Variants in MCAT observed in about 807,000 individuals in gnomAD.
The protein encoded by MCAT is malonyl-CoA-acyl carrier protein transacylase, mitochondrial.
A neutral mutation model predicts 22.9 loss-of-function variants in MCAT; 22 were observed. The observed-to-expected ratio is 0.96, with a 90% CI of 0.69 to 1.37. MCAT has a LOEUF of 1.37. MCAT is among the 40% of genes most tolerant of loss of function. The pLI is 0.00. For missense variants in MCAT, 534 were observed against 533.6 expected (o/e 1.00, Z -0.01); for synonymous variants, 240 against 233.9 (o/e 1.03, Z -0.24).
intron 3 of MCAT, among the ~76,000 whole-genome samples, chr22:43,135,503 C>CAAAAAAAAAAAA (rs1270132344): frequency 3.0e-5 from 1 of 33,126 alleles, no homozygotes. Context: ...GACATTGTCT[C>CAAAAAAAAAAAA]AAAAAACAAA....
At chr22:43,142,780 A>AAC (rs898918205) in intron 1 of MCAT, 146 bp downstream of exon 1, 77 of 942,226 alleles carry the variant, frequency 8.2e-5, no homozygotes, top group Admixed American at 1.5e-4. Flanking sequence ...GTCTCAAAAA[A>AAC]AAAAACAAAA....
intron 2 of MCAT, 144 bp downstream of exon 2, chr22:43,141,018 C>A: frequency 1.5e-6 from 1 of 662,174 alleles, no homozygotes; most frequent in Non-Finnish European, 2.8e-6. Flanking sequence ...ACAGCAAAGC[C>A]CTGTCCTCAT....
rs1054071542 is a variant in MCAT at position 43,133,013 on chromosome 22, AG to A, written c.*29del. ...CTACAGCCTCTCCTCAGGAGGACAGAGGGGGTCATCGCATTTGAGCCCCCTG... is the reference window on the plus strand; with the variant it reads ...CTACAGCCTCTCCTCAGGAGGACAGAGGGGTCATCGCATTTGAGCCCCCTG... On this transcript the variant is annotated 3_prime_UTR_variant, in exon 4 of 4. Coordinates refer to ENST00000290429, the MANE Select transcript of MCAT (RefSeq NM_173467.5). The A allele has an allele frequency of 2.5e-6, 4 of 1,598,984 alleles. No individual in the cohort carries two copies. The African/African-American group carries it at 5.4e-5, about 21-fold the overall frequency.
chr22:43,143,107 A>G lies in MCAT; in HGVS notation c.242T>C (p.Leu81Pro), dbSNP rs568778084. The G allele has an allele frequency of 1.9e-6, 3 of 1,604,212 alleles. No homozygotes were observed. The highest frequency in any genetic ancestry group is 2.5e-6 in the Non-Finnish European group (3 of 1,178,608). ...GSQVVGMGRG[L>P]LNYPRVRELY... ...TTCGCGGACGCGCGGGTAGTTGAGC[A>G]GACCGCGGCCCATGCCCACCACCTG... Residue 81 changes from leucine to proline, a missense_variant, in exon 1 of 4, where the codon CTG (leucine) becomes CCG (proline). Leu to Pro is a moderately conservative substitution (Grantham distance 98, BLOSUM62 -3). Coordinates refer to ENST00000290429, the MANE Select transcript of MCAT (RefSeq NM_173467.5).
At chr22:43,135,668 C>T (rs903381923) in intron 3 of MCAT, among the ~76,000 whole-genome samples, 1 of 152,098 alleles carries the variant, frequency 6.6e-6, no homozygotes, top group Admixed American at 6.6e-5. Context: ...AAAGGGAACG[C>T]CTAACTAGCT....
Position 43,137,229 on chromosome 22 carries a change from A to G in MCAT, c.581T>C (p.Leu194Pro). 1 of 1,614,230 alleles carries G rather than the reference A, an allele frequency of 6.2e-7. No individual in the cohort carries two copies. Among genetic ancestry groups the G allele is most frequent in the East Asian group, 2.2e-5 (1 of 44,886 alleles). The change falls in exon 3 of 4, where the codon CTG becomes CCG. Residue 194 changes from leucine to proline, a missense_variant. Physicochemically the swap from Leu to Pro is moderately conservative, Grantham distance 98. Transcript: ENST00000290429. ...GGACTGAGGCTGGCCGAGGACAGACAGCATCCCACTGGGGACAGCTTCTGA... is the reference window on the plus strand; with the variant it reads ...GGACTGAGGCTGGCCGAGGACAGACGGCATCCCACTGGGGACAGCTTCTGA... The part of the protein sequence containing the change: ...EASEAVPSGM[L>P]SVLGQPQSKF...
chr22:43,140,197 G>A (rs1482474643), intron 2 of MCAT, among the ~76,000 whole-genome samples: 1 of 151,686 alleles, frequency 6.6e-6, no homozygotes, highest in Non-Finnish European at 1.5e-5. Flanking sequence ...TGTTTGTTTT[G>A]GACAGGGTCT....
Position 43,141,144 on chromosome 22 carries a change from C to T in MCAT, c.511+18G>A, listed in dbSNP as rs768065721. On this transcript the variant is annotated intron_variant, in intron 2 of 3. Transcript: ENST00000290429. The stretch of plus-strand genomic sequence containing the variant: ...CCCAAGACCACAGCCTTGCATAAAA[C>T]CAAACTCCTTCCTGTACCTTCAGCA... 1 of 1,613,092 alleles carries T rather than the reference C, an allele frequency of 6.2e-7. No individual in the cohort carries two copies. Among genetic ancestry groups the T allele is most frequent in the African/African-American group, 1.3e-5 (1 of 74,894 alleles).
chr22:43,141,967 T>C (rs1035075805), intron 1 of MCAT, among the ~76,000 whole-genome samples: 1 of 152,256 alleles, frequency 6.6e-6, no homozygotes, highest in African/African-American at 2.4e-5. Context: ...ATAATGTCTA[T>C]ACAGTGCTTA....
At chr22:43,141,053 T>G in intron 2 of MCAT, 109 bp downstream of exon 2, 1 of 810,224 alleles carries the variant, frequency 1.2e-6, no homozygotes, top group Non-Finnish European at 2.2e-6. Flanking sequence ...CCTGTCCATG[T>G]GCTCCCTTCC....
In MCAT at chr22:43,143,204, C is replaced by A. The variant is rs1253386214; in HGVS notation, c.145G>T (p.Ala49Ser). Residue 49 changes from alanine (A) to serine (S), a missense_variant, in exon 1 of 4, where the codon GCG becomes TCG. Coordinates refer to ENST00000290429, the MANE Select transcript of MCAT (RefSeq NM_173467.5). Reference sequence around the variant, plus strand: ...CGCCGCTCCGTCGCCGCCCAGGGCGCCTCCTCCTCCGCCCCGGTCGCATCT... The same window carrying A: ...CGCCGCTCCGTCGCCGCCCAGGGCGACTCCTCCTCCGCCCCGGTCGCATCT... ...LRDATGAEEE[A>S]PWAATERRMP... The A allele has an allele frequency of 2.0e-6, 3 of 1,534,696 alleles. No individual in the cohort carries two copies. The highest frequency in any genetic ancestry group is 2.6e-6 in the Non-Finnish European group (3 of 1,150,580).
Position 43,132,687 on chromosome 22 carries a change from C to T in MCAT, c.*356G>A. On this transcript the variant is annotated 3_prime_UTR_variant, in exon 4 of 4. Coordinates refer to ENST00000290429, the MANE Select transcript of MCAT (RefSeq NM_173467.5). ...AGGCCACACCAGCATGTTCTCAGCACTCACAGAGCAGGACAGGCTGCAGCA... is the reference window on the plus strand; with the variant it reads ...AGGCCACACCAGCATGTTCTCAGCATTCACAGAGCAGGACAGGCTGCAGCA... 1 of 235,792 alleles carries T rather than the reference C, an allele frequency of 4.2e-6. No individual in the cohort carries two copies. The highest frequency in any genetic ancestry group is 8.4e-6 in the Non-Finnish European group (1 of 118,980). The allele number at this position is 235,792 out of a possible 1,614,324, so 14.6% of individuals were successfully genotyped here. A position where few individuals can be genotyped will look rare whatever the true frequency, so the allele number is the denominator to read the frequency against.
At position 43,142,557 on chromosome 22, in the gene MCAT, C is replaced by A. The variant is rs533581434; in HGVS notation, c.423+369G>T. 1.6e-4 allele frequency among the ~76,000 whole-genome samples: 24 copies of A among 151,704 alleles called. No homozygotes were observed. In the East Asian group the frequency reaches 4.3e-3, roughly 27 times the overall value. On this transcript the variant is annotated intron_variant, in intron 1 of 3. Transcript: ENST00000290429. ...ATCCCAGCACTTTGGGAGGCCGAGG[C>A]GGGCAGATCACGAGGTCAGGAGATC...
chr22:43,134,733 C>A (rs968109753), intron 3 of MCAT, among the ~76,000 whole-genome samples: 5 of 152,198 alleles, frequency 3.3e-5, no homozygotes, highest in Non-Finnish European at 7.3e-5. Flanking sequence ...CTTGTCACTG[C>A]AACAAAACCT....
chr22:43,136,234 A>AC (rs1930606498), intron 3 of MCAT, among the ~76,000 whole-genome samples: 1 of 152,164 alleles, frequency 6.6e-6, no homozygotes, highest in South Asian at 2.1e-4. Flanking sequence ...ACACAGTGAG[A>AC]CCCTGTCTCA....
At chr22:43,134,498 C>T (rs1050777716) in intron 3 of MCAT, among the ~76,000 whole-genome samples, 11 of 152,182 alleles carry the variant, frequency 7.2e-5, no homozygotes, top group African/African-American at 2.7e-4. Context: ...TAAGCATGTA[C>T]CACCACGCCT....
chr22:43,132,967 G>A lies in MCAT; in HGVS notation c.*76C>T, dbSNP rs1265175181. On this transcript the variant is annotated 3_prime_UTR_variant, in exon 4 of 4. Transcript: ENST00000290429. ...CCTCAGAGGAGGAGCCATTAGGAAG[G>A]TAGGGGGCGACAGGCACAGCCTACA... 14 of 1,386,266 alleles carry A rather than the reference G, an allele frequency of 1.0e-5. No homozygotes were observed. The East Asian group carries it at 3.0e-4, about 30-fold the overall frequency. The allele number at this position is 1,386,266 out of a possible 1,614,324, so 85.9% of individuals were successfully genotyped here.
At position 43,133,358 on chromosome 22, in the gene MCAT, C is replaced by T. The variant is rs1179575857; in HGVS notation, c.858G>A (p.Lys286=). 2 of 1,614,180 alleles carry T rather than the reference C, an allele frequency of 1.2e-6. No homozygotes were observed. The change falls in exon 4 of 4, where the codon AAG becomes AAA. Residue 286 remains lysine, a synonymous_variant. Coordinates refer to ENST00000290429, the MANE Select transcript of MCAT (RefSeq NM_173467.5). The part of the protein sequence containing the change: ...PAVEPLTQAL[K]AVDIKKPLVS... ...CCAGAGGCTTCTTAATGTCGACTGC[C>T]TTTAAAGCTTGCGTCAGGGGCTCCA...
Position 43,137,208 on chromosome 22 carries a change from T to C in MCAT, c.602A>G (p.Gln201Arg). The C allele has an allele frequency of 6.2e-7, 1 of 1,614,198 alleles. No homozygotes were observed. Among genetic ancestry groups the C allele is most frequent in the Non-Finnish European group, 8.5e-7 (1 of 1,180,032 alleles). ...CAAACAGGCGAAGTTGAACTTGGAC[T>C]GAGGCTGGCCGAGGACAGACAGCAT... Reference protein sequence around the residue: ...SGMLSVLGQPQSKFNFACLEA... With the variant: ...SGMLSVLGQPRSKFNFACLEA... The change falls in exon 3 of 4, where the codon CAG becomes CGG. Residue 201 changes from glutamine to arginine, a missense_variant. Physicochemically the swap from Gln to Arg is conservative, Grantham distance 43. Transcript: ENST00000290429.
Sources: allele counts gnomAD v4.1 joint callset (sites outside exome capture counted in the v4.1 genomes callset), GRCh38; gene constraint gnomAD v4.1.1; transcripts MANE v1.5; gene names NCBI Gene and HGNC (gene_info 2026-07-23, HGNC 2026-07-21).